TRPC7: variants seen among roughly 807,000 people sequenced by gnomAD.
The protein encoded by TRPC7 is short transient receptor potential channel 7.
A neutral mutation model predicts 90.1 loss-of-function variants in TRPC7; 42 were observed. That is an observed-to-expected ratio of 0.47 (90% CI 0.36 to 0.60). TRPC7 has a LOEUF of 0.60. TRPC7 is among the 20% of genes least tolerant of loss of function. TRPC7 has a pLI of 0.00. For missense variants in TRPC7, 955 were observed against 1,112.3 expected (o/e 0.86, Z 2.01); for synonymous variants, 451 against 436.3 (o/e 1.03, Z -0.42).
At chr5:136,249,288 G>A (rs922800183) in intron 6 of TRPC7, among the ~76,000 whole-genome samples, 2 of 152,138 alleles carry the variant, frequency 1.3e-5, no homozygotes, top group African/African-American at 4.8e-5. Context: ...ATAGAGAGCA[G>A]TAAGAAACCT....
intron 2 of TRPC7, among the ~76,000 whole-genome samples, chr5:136,331,411 G>A (rs1490357038): frequency 6.6e-6 from 1 of 152,042 alleles, no homozygotes; most frequent in East Asian, 1.9e-4. Flanking sequence ...GGAGAGTGAG[G>A]CAGGCATGGT....
In TRPC7 at chr5:136,298,137, A is replaced by C. The variant is rs575267402; in HGVS notation, c.963+17460T>G. Among the ~76,000 whole-genome samples, 35 of 152,336 alleles carry C rather than the reference A, an allele frequency of 2.3e-4. No individual in the cohort carries two copies. The South Asian group carries it at 7.3e-3, about 32-fold the overall frequency. ...ACAAATGATATTCACTGGGATAGAC[A>C]GTGGCTGATGAGGGAGGGAGCAATG... On this transcript the variant is annotated intron_variant, in intron 3 of 11. Coordinates refer to ENST00000513104, the MANE Select transcript of TRPC7 (RefSeq NM_020389.3).
intron 2 of TRPC7, among the ~76,000 whole-genome samples, chr5:136,356,303 T>G (rs1322213726): frequency 6.6e-6 from 1 of 152,250 alleles, no homozygotes; most frequent in Non-Finnish European, 1.5e-5. Context: ...GAGGCGGAGC[T>G]AAGGCATTGA....
rs543569060 is a variant in TRPC7 at position 136,301,721 on chromosome 5, C to T, written c.963+13876G>A. On this transcript the variant is annotated intron_variant, in intron 3 of 11. Transcript: ENST00000513104. The stretch of plus-strand genomic sequence containing the variant: ...CCTATAAGAACTAATGATAATCCAC[C>T]ACCCTTCACTGACTCTCTTTTCGGA... 7.2e-5 allele frequency among the ~76,000 whole-genome samples: 11 copies of T among 152,316 alleles called. No individual in the cohort carries two copies. The East Asian group carries it at 2.1e-3, about 29-fold the overall frequency.
chr5:136,274,036 A>G (rs1218161654), intron 4 of TRPC7, among the ~76,000 whole-genome samples: 1 of 152,030 alleles, frequency 6.6e-6, no homozygotes, highest in Non-Finnish European at 1.5e-5. Context: ...ACTCCTTTTG[A>G]GCTCTTCTTC....
intron 2 of TRPC7, among the ~76,000 whole-genome samples, chr5:136,341,474 T>C (rs56006174): frequency 3.8e-4 from 58 of 150,982 alleles, no homozygotes; most frequent in East Asian, 1.7e-3. Flanking sequence ...TACATATATA[T>C]ACACACACAC....
chr5:136,227,420 G>A (rs1755661467), intron 8 of TRPC7, among the ~76,000 whole-genome samples: 1 of 152,158 alleles, frequency 6.6e-6, no homozygotes, highest in Non-Finnish European at 1.5e-5. Context: ...TGAGCAGTGG[G>A]TTCCTCTTTC....
intron 2 of TRPC7, among the ~76,000 whole-genome samples, chr5:136,339,620 G>T (rs962907274): frequency 1.3e-5 from 2 of 152,030 alleles, no homozygotes; most frequent in Admixed American, 6.6e-5. Flanking sequence ...AGACTCAAAA[G>T]GTCCTGTGTC....
At chr5:136,299,946 C>G (rs1402673446) in intron 3 of TRPC7, among the ~76,000 whole-genome samples, 1 of 152,170 alleles carries the variant, frequency 6.6e-6, no homozygotes, top group Non-Finnish European at 1.5e-5. Flanking sequence ...TAATAATCCT[C>G]AAGCTCTGAC....
chr5:136,252,414 A>G (rs1756553470), intron 5 of TRPC7, among the ~76,000 whole-genome samples: 2 of 152,118 alleles, frequency 1.3e-5, no homozygotes, highest in African/African-American at 2.4e-5. Flanking sequence ...TTTCTGTGTC[A>G]TGAGCATTAA....
chr5:136,345,973 T>C (rs1759992619), intron 2 of TRPC7, among the ~76,000 whole-genome samples: 1 of 152,214 alleles, frequency 6.6e-6, no homozygotes, highest in African/African-American at 2.4e-5. Context: ...TCCCCATTTC[T>C]TGTTTTTGTC....
intron 1 of TRPC7, among the ~76,000 whole-genome samples, chr5:136,357,748 CGA>C (rs1423616469): frequency 6.6e-6 from 1 of 152,060 alleles, no homozygotes; most frequent in African/African-American, 2.4e-5. Flanking sequence ...TATATAAAGT[CGA>C]GAGAGCCACT....
chr5:136,218,203 A>T (rs1346101110), intron 10 of TRPC7, among the ~76,000 whole-genome samples: 1 of 147,616 alleles, frequency 6.8e-6, no homozygotes, highest in Admixed American at 6.8e-5. Flanking sequence ...GAGATTATAT[A>T]AAATATATAT....
At chr5:136,281,072 A>G (rs1472208323) in intron 3 of TRPC7, among the ~76,000 whole-genome samples, 1 of 152,192 alleles carries the variant, frequency 6.6e-6, no homozygotes, top group African/African-American at 2.4e-5. Context: ...CCGAAACACC[A>G]AAGCACAAGG....
intron 3 of TRPC7, among the ~76,000 whole-genome samples, chr5:136,305,610 A>G (rs1380938868): frequency 2.0e-5 from 3 of 152,138 alleles, no homozygotes; most frequent in Admixed American, 6.6e-5. Context: ...TGAATAAGTA[A>G]AGGCCTTTCC....
chr5:136,305,549 GC>G (rs1425120439), intron 3 of TRPC7, among the ~76,000 whole-genome samples: 1 of 151,884 alleles, frequency 6.6e-6, no homozygotes, highest in Non-Finnish European at 1.5e-5. Context: ...TACTCAACAT[GC>G]CCCAACTCAG....
At chr5:136,351,853 T>G (rs1178451240) in intron 2 of TRPC7, among the ~76,000 whole-genome samples, 1 of 152,230 alleles carries the variant, frequency 6.6e-6, no homozygotes, top group Non-Finnish European at 1.5e-5. Context: ...AGCACAAACA[T>G]TAATACATAA....
At chr5:136,276,996 A>G (rs1475622475) in intron 3 of TRPC7, among the ~76,000 whole-genome samples, 1 of 152,246 alleles carries the variant, frequency 6.6e-6, no homozygotes, top group Non-Finnish European at 1.5e-5. Flanking sequence ...GCTGTGAAAT[A>G]GAAGACGAGT....
intron 3 of TRPC7, among the ~76,000 whole-genome samples, chr5:136,282,585 A>T (rs1047472493): frequency 2.6e-5 from 4 of 152,184 alleles, no homozygotes; most frequent in African/African-American, 9.7e-5. Flanking sequence ...TATACTCAAA[A>T]TATGCTCAAG....
Sources: allele counts gnomAD v4.1 joint callset (sites outside exome capture counted in the v4.1 genomes callset), GRCh38; gene constraint gnomAD v4.1.1; transcripts MANE v1.5; gene names NCBI Gene and HGNC (gene_info 2026-07-23, HGNC 2026-07-21).